Variants in SYNE2 observed in about 807,000 individuals in gnomAD.
SYNE2 encodes the protein nesprin-2.
A neutral mutation model predicts 856.3 loss-of-function variants in SYNE2; 431 were observed. The ratio of observed to expected loss-of-function variants is 0.50; its 90% CI spans 0.47 to 0.55. SYNE2 has a LOEUF of 0.55. Among genes scored for constraint, SYNE2 ranks in the 20% least tolerant of loss-of-function variants. The pLI, the probability that SYNE2 is intolerant of heterozygous loss-of-function variation, is 0.00. For synonymous variants in SYNE2, 2,923 were observed against 2,872.3 expected (o/e 1.02, Z -0.56); for missense variants, 8,129 against 8,023.2 (o/e 1.01, Z -0.50).
intron 1 of SYNE2, among the ~76,000 whole-genome samples, chr14:63,771,405 A>T (rs1010855868): frequency 7.9e-5 from 12 of 152,096 alleles, no homozygotes; most frequent in African/African-American, 2.7e-4. Flanking sequence ...AATTTTGCTA[A>T]TGACTTTGGA....
At chr14:64,072,701 A>G (rs758009396) in intron 52 of SYNE2, among the ~76,000 whole-genome samples, 8 of 152,140 alleles carry the variant, frequency 5.3e-5, no homozygotes, top group Non-Finnish European at 8.8e-5. Flanking sequence ...GGGTTTCACC[A>G]TGTTGCCCAG....
At chr14:64,145,919 TC>T (rs2098181749) in intron 83 of SYNE2, 148 bp from the exon 84 acceptor site, 2 of 516,974 alleles carry the variant, frequency 3.9e-6, no homozygotes, top group East Asian at 3.8e-5. Context: ...GATTTTTGAA[TC>T]TTTATTCAAA....
intron 104 of SYNE2, 23 bp downstream of exon 104, chr14:64,212,121 C>T: frequency 2.5e-6 from 4 of 1,613,616 alleles, no homozygotes; most frequent in Non-Finnish European, 3.4e-6. Flanking sequence ...GCTTCCCTAG[C>T]TCTTCTCAAA....
At chr14:63,982,364 G>A (rs1218445604) in intron 16 of SYNE2, among the ~76,000 whole-genome samples, 1 of 152,076 alleles carries the variant, frequency 6.6e-6, no homozygotes, top group Admixed American at 6.5e-5. Flanking sequence ...GCACTTAAGA[G>A]GGAAGAGCTA....
intron 49 of SYNE2, among the ~76,000 whole-genome samples, chr14:64,060,422 G>A (rs753681504): frequency 2.3e-4 from 35 of 152,132 alleles, no homozygotes; most frequent in Non-Finnish European, 4.1e-4. Flanking sequence ...TCTGGCCCAG[G>A]GTGTGTCTGG....
At chr14:63,821,320 C>G (rs1003230984) in intron 1 of SYNE2, among the ~76,000 whole-genome samples, 1 of 152,132 alleles carries the variant, frequency 6.6e-6, no homozygotes, top group African/African-American at 2.4e-5. Flanking sequence ...ACTTACTAAT[C>G]TAGCTTCTAC....
At chr14:63,857,869 G>A (rs1360473982) in intron 1 of SYNE2, among the ~76,000 whole-genome samples, 1 of 152,118 alleles carries the variant, frequency 6.6e-6, no homozygotes, top group Non-Finnish European at 1.5e-5. Flanking sequence ...TTTGTCACGT[G>A]TAAGATTTGC....
At chr14:63,803,153 A>T (rs566140350) in intron 1 of SYNE2, among the ~76,000 whole-genome samples, 1 of 152,148 alleles carries the variant, frequency 6.6e-6, no homozygotes, top group East Asian at 1.9e-4. Context: ...TGCGCTAGAT[A>T]CTAAGGTTCT....
intron 2 of SYNE2, among the ~76,000 whole-genome samples, chr14:63,917,858 A>ATT (rs746394151): frequency 1.4e-4 from 21 of 146,732 alleles, no homozygotes; most frequent in Admixed American, 3.4e-4. Flanking sequence ...TGTTTTTCAA[A>ATT]TTTTTTTTTT....
At chr14:63,770,653 G>A (rs920632975) in intron 1 of SYNE2, among the ~76,000 whole-genome samples, 1 of 151,918 alleles carries the variant, frequency 6.6e-6, no homozygotes, top group Non-Finnish European at 1.5e-5. Context: ...AAAGAAAAGG[G>A]GTGGCACATA....
chr14:64,086,315 A>G (rs929388846), intron 57 of SYNE2, among the ~76,000 whole-genome samples: 3 of 152,230 alleles, frequency 2.0e-5, no homozygotes, highest in African/African-American at 4.8e-5. Context: ...GACCTTATAC[A>G]TGTGCATCTA....
intron 53 of SYNE2, among the ~76,000 whole-genome samples, chr14:64,074,991 C>T (rs1315451837): frequency 3.9e-5 from 6 of 152,164 alleles, no homozygotes; most frequent in Non-Finnish European, 7.3e-5. Context: ...GAATGAAAGC[C>T]TGTACTCCTG....
At chr14:63,879,201 A>C (rs1460804402) in intron 1 of SYNE2, among the ~76,000 whole-genome samples, 1 of 152,360 alleles carries the variant, frequency 6.6e-6, no homozygotes, top group Non-Finnish European at 1.5e-5. Context: ...CAATAACAAA[A>C]GGCATTGAAA....
At chr14:64,053,979 A>G (rs1001095848) in intron 48 of SYNE2, among the ~76,000 whole-genome samples, 2 of 152,216 alleles carry the variant, frequency 1.3e-5, no homozygotes, top group African/African-American at 4.8e-5. Flanking sequence ...AAAAAAATAA[A>G]TAAGTAAAAT....
Position 64,140,045 on chromosome 14 carries a change from CA to C in SYNE2, c.14950del (p.Ile4984SerfsTer21). 7 of 1,613,878 alleles carry C rather than the reference CA, an allele frequency of 4.3e-6. No individual in the cohort carries two copies. The highest frequency in any genetic ancestry group is 5.9e-6 in the Non-Finnish European group (7 of 1,179,958). On this transcript the variant is annotated frameshift_variant, in exon 80 of 116. Transcript: ENST00000555002. LOFTEE classifies it high-confidence loss of function. ...QSLNVSQDLD[T>X]IRSNINNFFE... Reference sequence around the variant, plus strand: ...CTCAATGTGTCTCAGGACTTGGATACAATCAGAAGCAACATCAACAATTTTT... The same window carrying C: ...CTCAATGTGTCTCAGGACTTGGATACATCAGAAGCAACATCAACAATTTTT...
intron 66 of SYNE2, among the ~76,000 whole-genome samples, chr14:64,118,894 G>A (rs2097875770): frequency 1.3e-5 from 2 of 151,894 alleles, no homozygotes; most frequent in Non-Finnish European, 2.9e-5. Flanking sequence ...AGGAAGGTAG[G>A]GGGAAAATAA....
Position 64,087,093 on chromosome 14 carries a change from T to TAAAAAAAA in SYNE2, c.11485-566_11485-559dup, listed in dbSNP as rs56917782. Among the ~76,000 whole-genome samples, 255 of 98,394 alleles carry TAAAAAAAA rather than the reference T, an allele frequency of 2.6e-3. 7 individuals are homozygous for TAAAAAAAA. The highest frequency in any genetic ancestry group is 3.6e-3 in the African/African-American group (98 of 27,062). 64.6% of individuals were successfully genotyped at this position (98,394 alleles called of 152,430 possible). Reference sequence around the variant, plus strand: ...TGATGCTGTTGTCAGTGATAATTGGTAAAAAAAAAAAAAAAAAAAGCATTG... The same window carrying TAAAAAAAA: ...TGATGCTGTTGTCAGTGATAATTGGTAAAAAAAAAAAAAAAAAAAAAAAAAAAGCATTG... On this transcript the variant is annotated intron_variant, in intron 57 of 115. Transcript: ENST00000555002.
Position 64,151,420 on chromosome 14 carries a change from TAAAAA to T in SYNE2, c.15640-1122_15640-1118del, listed in dbSNP as rs540541655. On this transcript the variant is annotated intron_variant, in intron 84 of 115. Transcript: ENST00000555002. ...CATGCAGTGATTCTTACAAAGGATT[TAAAAA>T]AAAAAAAAAAAAAAAAAAAAAGCTG... Among the ~76,000 whole-genome samples, 155 of 19,292 alleles carry T rather than the reference TAAAAA, an allele frequency of 8.0e-3. 3 individuals are homozygous for T. The highest frequency in any genetic ancestry group is 0.034 in the African/African-American group (144 of 4,256). 12.7% of individuals were successfully genotyped at this position (19,292 alleles called of 152,430 possible).
chr14:64,174,690 A>G (rs1189309847), intron 94 of SYNE2, among the ~76,000 whole-genome samples: 1 of 152,178 alleles, frequency 6.6e-6, no homozygotes. Context: ...GCTGCTAATC[A>G]TTACACTGAG....
Sources: allele counts gnomAD v4.1 joint callset (sites outside exome capture counted in the v4.1 genomes callset), GRCh38; gene constraint gnomAD v4.1.1; transcripts MANE v1.5; gene names NCBI Gene and HGNC (gene_info 2026-07-23, HGNC 2026-07-21).